Variants in LRBA observed in about 807,000 individuals in gnomAD.
The protein encoded by LRBA is LPS responsive beige-like anchor protein.
Under a neutral mutation model 330.0 loss-of-function variants are expected in LRBA, and 176 were observed. The observed-to-expected ratio is 0.53, with a 90% CI of 0.47 to 0.60. The LOEUF is 0.60. LRBA is among the 20% of genes least tolerant of loss of function. The probability of loss-of-function intolerance (pLI) is 0.00; values close to 1 mark genes in which losing one functional copy is unlikely to be tolerated. For synonymous variants in LRBA, 1,230 were observed against 1,193.0 expected, an observed-to-expected ratio of 1.03 and a Z score of -0.64; for missense variants, 3,259 against 3,444.8, an observed-to-expected ratio of 0.95 and a Z score of 1.35.
At chr4:150,927,770 C>A (rs1734043925) in intron 4 of LRBA, among the ~76,000 whole-genome samples, 1 of 151,898 alleles carries the variant, frequency 6.6e-6, no homozygotes, top group African/African-American at 2.4e-5. Flanking sequence ...GTAAAAAAAA[C>A]TAAAATTAGA....
At chr4:150,889,032 T>C (rs1729212505) in intron 17 of LRBA, among the ~76,000 whole-genome samples, 1 of 152,166 alleles carries the variant, frequency 6.6e-6, no homozygotes, top group African/African-American at 2.4e-5. Flanking sequence ...GCTGAAGATG[T>C]AGGAAAGAAC....
intron 2 of LRBA, among the ~76,000 whole-genome samples, chr4:151,011,250 C>T (rs893337048): frequency 6.6e-6 from 1 of 151,484 alleles, no homozygotes; most frequent in Non-Finnish European, 1.5e-5. Flanking sequence ...ATTTGGACAC[C>T]TCTGGAGGAG....
intron 49 of LRBA, among the ~76,000 whole-genome samples, chr4:150,324,586 G>C (rs2126939809): frequency 1.3e-5 from 2 of 151,288 alleles, no homozygotes; most frequent in South Asian, 4.2e-4. Context: ...AGACACAGAA[G>C]GTGATGTGGG....
intron 34 of LRBA, among the ~76,000 whole-genome samples, chr4:150,774,900 GTAAAA>G (rs999726063): frequency 1.1e-4 from 17 of 152,078 alleles, no homozygotes; most frequent in African/African-American, 3.9e-4. Flanking sequence ...GCGTATACAG[GTAAAA>G]TAAAAAAATT....
intron 36 of LRBA, among the ~76,000 whole-genome samples, chr4:150,690,865 A>AGAAAATC (rs1315287474): frequency 6.6e-6 from 1 of 152,028 alleles, no homozygotes; most frequent in Non-Finnish European, 1.5e-5. Flanking sequence ...AAAGCATAGA[A>AGAAAATC]GAAAATCACA....
chr4:150,492,200 C>T (rs1759044982), intron 40 of LRBA, among the ~76,000 whole-genome samples: 1 of 142,720 alleles, frequency 7.0e-6, no homozygotes, highest in Non-Finnish European at 1.5e-5. Flanking sequence ...GAGTAACAAA[C>T]CTTATTTAAG....
chr4:150,555,931 T>C (rs1767267151), intron 40 of LRBA, among the ~76,000 whole-genome samples: 1 of 151,930 alleles, frequency 6.6e-6, no homozygotes, highest in South Asian at 2.1e-4. Context: ...GTAGCCCAAG[T>C]AGCTACACAG....
rs115808922 is a variant in LRBA at position 150,521,113 on chromosome 4, G to C, written c.6331-30078C>G. Reference sequence around the variant, plus strand: ...AATATTGGTAGTTCATACCTTCTCTGTTTTTTATTAATCTGATTAGATGTT... The same window carrying C: ...AATATTGGTAGTTCATACCTTCTCTCTTTTTTATTAATCTGATTAGATGTT... On this transcript the variant is annotated intron_variant, in intron 40 of 56. Transcript: ENST00000651943. Among the ~76,000 whole-genome samples the C allele has an allele frequency of 2.3e-3, 342 of 151,962 alleles. 1 individual carries two copies. Among genetic ancestry groups the C allele is most frequent in the African/African-American group, 7.7e-3 (319 of 41,448 alleles).
At chr4:150,767,155 T>C (rs571834365) in intron 34 of LRBA, among the ~76,000 whole-genome samples, 1 of 152,202 alleles carries the variant, frequency 6.6e-6, no homozygotes, top group South Asian at 2.1e-4. Context: ...CAAATAAATA[T>C]AAAGAAAAAG....
chr4:150,285,483 C>G (rs915436033), intron 54 of LRBA, among the ~76,000 whole-genome samples: 3 of 152,248 alleles, frequency 2.0e-5, no homozygotes, highest in African/African-American at 7.2e-5. Flanking sequence ...TTAAAACAGA[C>G]AGGGTCAGGG....
chr4:150,811,623 C>G (rs535384049), intron 31 of LRBA, among the ~76,000 whole-genome samples: 1 of 152,100 alleles, frequency 6.6e-6, no homozygotes, highest in East Asian at 1.9e-4. Context: ...CTGTCTCAGC[C>G]TTCTGAGTAG....
At chr4:150,362,338 T>C (rs763096487) in intron 47 of LRBA, among the ~76,000 whole-genome samples, 2 of 152,194 alleles carry the variant, frequency 1.3e-5, no homozygotes, top group Non-Finnish European at 2.9e-5. Context: ...CTACCTTTGG[T>C]TTCATGCTTC....
chr4:150,733,430 A>G (rs1433133792), intron 36 of LRBA, among the ~76,000 whole-genome samples: 1 of 151,602 alleles, frequency 6.6e-6, no homozygotes, highest in East Asian at 1.9e-4. Flanking sequence ...ATAAAGAGAA[A>G]GAGAATAAAT....
At chr4:150,549,683 T>G in intron 40 of LRBA, among the ~76,000 whole-genome samples, 1 of 152,234 alleles carries the variant, frequency 6.6e-6, no homozygotes, top group East Asian at 1.9e-4. Context: ...GAGAATTATT[T>G]TAATACTTTT....
chr4:150,510,993 C>A (rs1031780861), intron 40 of LRBA, among the ~76,000 whole-genome samples: 1 of 152,040 alleles, frequency 6.6e-6, no homozygotes, highest in Non-Finnish European at 1.5e-5. Context: ...ATAGCTGGGA[C>A]TACAGGCACG....
At chr4:150,326,672 T>A (rs1733308415) in intron 48 of LRBA, among the ~76,000 whole-genome samples, 1 of 152,198 alleles carries the variant, frequency 6.6e-6, no homozygotes, top group African/African-American at 2.4e-5. Flanking sequence ...CTTGTTTATA[T>A]CTGTTTCTTC....
rs72738345 is a variant in LRBA at position 150,752,456 on chromosome 4, T to C, written c.5645+9327A>G. On this transcript the variant is annotated intron_variant, in intron 35 of 56. Transcript: ENST00000651943. ...GGAACCTCAGAAAGAATAGATTTTG[T>C]TGGTAACTGAAAAAATTAATTTAAA... Among the ~76,000 whole-genome samples, 242 of 152,186 alleles carry C rather than the reference T, an allele frequency of 1.6e-3. 1 individual carries two copies. Among genetic ancestry groups the C allele is most frequent in the Admixed American group, 3.6e-3 (55 of 15,274 alleles).
chr4:150,915,470 G>T, intron 8 of LRBA, 138 bp downstream of exon 8: 3 of 689,746 alleles, frequency 4.3e-6, no homozygotes, highest in Non-Finnish European at 6.9e-6. Flanking sequence ...CTATTAACAT[G>T]CTAGCCAAAT....
rs1207545623 is a variant in LRBA at position 150,916,749 on chromosome 4, G to T, written c.646-11C>A. ...AGGTAATGCAATAGCCTAAAGGAAA[G>T]AAACTTTGAGTTATTAACTCACGTG... On this transcript the variant is annotated splice_polypyrimidine_tract_variant and intron_variant, in intron 5 of 56. Coordinates refer to ENST00000651943, the MANE Select transcript of LRBA (RefSeq NM_001364905.1). The T allele has an allele frequency of 6.6e-7, 1 of 1,524,274 alleles. No individual in the cohort carries two copies. Among genetic ancestry groups the T allele is most frequent in the East Asian group, 2.3e-5 (1 of 43,692 alleles). 94.4% of individuals were successfully genotyped at this position (1,524,274 alleles called of 1,614,324 possible). A position where few individuals can be genotyped will look rare whatever the true frequency, so the allele number is the denominator to read the frequency against.
Sources: gnomAD v4.1 joint callset for allele counts (sites outside exome capture counted in the v4.1 genomes callset) on GRCh38, gnomAD v4.1.1 for gene constraint, MANE v1.5 for transcripts, NCBI Gene and HGNC (gene_info 2026-07-23, HGNC 2026-07-21) for gene names.